The following PREX2 variants were observed in gnomAD, a reference collection of about 807,000 sequenced individuals.
PREX2 encodes phosphatidylinositol 3,4,5-trisphosphate-dependent Rac exchanger 2 protein.
PREX2 carries 107 observed loss-of-function variants against 203.2 expected under a neutral mutation model. The observed-to-expected ratio is 0.53, with a 90% confidence interval of 0.45 to 0.62. The LOEUF is 0.62. Among genes scored for constraint, PREX2 ranks in the 20% least tolerant of loss-of-function variants. The probability of loss-of-function intolerance (pLI) is 0.00; values close to 1 mark genes in which losing one functional copy is unlikely to be tolerated. For missense variants in PREX2, 1,777 were observed against 1,955.9 expected (o/e 0.91, Z 1.72); for synonymous variants, 672 against 663.6 (o/e 1.01, Z -0.19).
At chr8:68,204,410 G>C (rs983424119) in intron 37 of PREX2, among the ~76,000 whole-genome samples, 1 of 152,178 alleles carries the variant, frequency 6.6e-6, no homozygotes, top group South Asian at 2.1e-4. Context: ...TGTACTGAAA[G>C]TGGTAACAGA....
At chr8:68,216,642 AAT>A (rs1812843792) in intron 37 of PREX2, among the ~76,000 whole-genome samples, 1 of 152,122 alleles carries the variant, frequency 6.6e-6, no homozygotes, top group South Asian at 2.1e-4. Context: ...TGTAGAGATC[AAT>A]GTGGAAGAAC....
intron 1 of PREX2, among the ~76,000 whole-genome samples, chr8:68,002,663 A>AT (rs35601602): frequency 0.69 from 104,186 of 151,830 alleles, 35,972 homozygotes; most frequent in South Asian, 0.81. Context: ...TTGCTTCTTA[A>AT]TCATTTTTTT....
At position 68,097,177 on chromosome 8, in the gene PREX2, A is replaced by G. The variant is rs770635006; in HGVS notation, c.2529A>G (p.Lys843=). The G allele has an allele frequency of 4.3e-6, 7 of 1,613,126 alleles. No individual in the cohort carries two copies. The highest frequency in any genetic ancestry group is 5.1e-6 in the Non-Finnish European group (6 of 1,179,308). Residue 843 remains lysine, a synonymous_variant, in exon 22 of 40, where the codon AAA becomes AAG. Transcript: ENST00000288368. ...CNVVEKMIEP[K]GFFSLTAKIL... ...TGGTGGAAAAGATGATTGAGCCCAAAGGTTTCTTCAGCTTAACTGCCAAGG... is the reference window on the plus strand; with the variant it reads ...TGGTGGAAAAGATGATTGAGCCCAAGGGTTTCTTCAGCTTAACTGCCAAGG...
At chr8:67,981,546 C>T (rs148945282) in intron 1 of PREX2, among the ~76,000 whole-genome samples, 2 of 152,230 alleles carry the variant, frequency 1.3e-5, no homozygotes, top group East Asian at 3.9e-4. Flanking sequence ...AATGCTTTTC[C>T]TTGTGAACAG....
At chr8:67,992,532 C>G (rs772788502) in intron 1 of PREX2, among the ~76,000 whole-genome samples, 1 of 151,996 alleles carries the variant, frequency 6.6e-6, no homozygotes, top group Non-Finnish European at 1.5e-5. Flanking sequence ...AGATATTGAA[C>G]CTTTTAAAAA....
intron 35 of PREX2, among the ~76,000 whole-genome samples, chr8:68,174,045 T>G (rs1811933205): frequency 6.6e-6 from 1 of 152,214 alleles, no homozygotes; most frequent in South Asian, 2.1e-4. Context: ...ACAATCCATC[T>G]TAAAAATATA....
At chr8:68,101,146 A>G (rs1195230075) in intron 23 of PREX2, among the ~76,000 whole-genome samples, 2 of 152,182 alleles carry the variant, frequency 1.3e-5, no homozygotes, top group Admixed American at 6.5e-5. Context: ...TTATCTCAAT[A>G]TATATGAATA....
intron 35 of PREX2, among the ~76,000 whole-genome samples, chr8:68,161,209 C>T (rs1334200144): frequency 6.6e-6 from 1 of 151,976 alleles, no homozygotes; most frequent in Admixed American, 6.6e-5. Flanking sequence ...ATTCTCCTGC[C>T]TCAGCCTACC....
At chr8:68,038,328 C>A in intron 7 of PREX2, 36 bp downstream of exon 7, 2 of 1,606,646 alleles carry the variant, frequency 1.2e-6, no homozygotes, top group South Asian at 2.2e-5. Flanking sequence ...CAGAAGTGGT[C>A]ACAGTTTCTA....
chr8:68,097,928 T>C (rs1441918601), intron 22 of PREX2, among the ~76,000 whole-genome samples: 1 of 152,248 alleles, frequency 6.6e-6, no homozygotes, highest in Non-Finnish European at 1.5e-5. Flanking sequence ...AAGTGCCATG[T>C]TTATTTCATA....
intron 35 of PREX2, among the ~76,000 whole-genome samples, chr8:68,161,975 C>T (rs1163038170): frequency 1.3e-5 from 2 of 152,160 alleles, no homozygotes; most frequent in Non-Finnish European, 2.9e-5. Flanking sequence ...TACATGGCAG[C>T]AGGCAAGTGA....
intron 23 of PREX2, chr8:68,100,121 G>A (rs1468303092): frequency 3.5e-6 from 2 of 566,670 alleles, no homozygotes; most frequent in African/African-American, 3.7e-5. Context: ...GATAGAGCTG[G>A]GCATTGAGTG....
rs967609180 is a variant in PREX2 at position 67,955,167 on chromosome 8, A to G, written c.141+2632A>G. Among the ~76,000 whole-genome samples the G allele has an allele frequency of 4.0e-5, 6 of 150,952 alleles. No homozygotes were observed. The East Asian group carries it at 5.8e-4, about 15-fold the overall frequency. ...CATCTCAAAAAAAAAAAAAAAAAAAAAAAAGAAATCATATGGCTAGAGGGA... is the reference window on the plus strand; with the variant it reads ...CATCTCAAAAAAAAAAAAAAAAAAAGAAAAGAAATCATATGGCTAGAGGGA... On this transcript the variant is annotated intron_variant, in intron 1 of 39. Transcript: ENST00000288368.
chr8:68,149,246 A>T (rs142411687), intron 34 of PREX2, among the ~76,000 whole-genome samples: 83 of 152,270 alleles, frequency 5.5e-4, no homozygotes, highest in African/African-American at 1.7e-3. Context: ...ACAGTAGTTG[A>T]TGGGGCATCC....
chr8:68,175,043 G>T lies in PREX2; in HGVS notation c.4347-16679G>T, dbSNP rs141186839. ...AAGGAAGAGTCAATGAAACCAACAG[G>T]TTATTTTGAAATACTCTACCGAACG... On this transcript the variant is annotated intron_variant, in intron 35 of 39. Coordinates refer to ENST00000288368, the MANE Select transcript of PREX2 (RefSeq NM_024870.4). Among the ~76,000 whole-genome samples, 233 of 152,308 alleles carry T rather than the reference G, an allele frequency of 1.5e-3. 2 individuals are homozygous for T. Among genetic ancestry groups the T allele is most frequent in the African/African-American group, 5.4e-3 (223 of 41,560 alleles).
intron 1 of PREX2, among the ~76,000 whole-genome samples, chr8:67,998,101 G>T (rs1338084260): frequency 1.3e-5 from 2 of 152,180 alleles, no homozygotes; most frequent in Non-Finnish European, 2.9e-5. Context: ...TAGCCTAGTT[G>T]TCAAACTGTG....
intron 37 of PREX2, among the ~76,000 whole-genome samples, chr8:68,193,185 A>C (rs949095105): frequency 6.6e-6 from 1 of 152,212 alleles, no homozygotes; most frequent in African/African-American, 2.4e-5. Context: ...CTTCATAATC[A>C]TATGCTTTCG....
chr8:68,056,261 C>A (rs1320544707), intron 10 of PREX2, among the ~76,000 whole-genome samples: 1 of 152,030 alleles, frequency 6.6e-6, no homozygotes, highest in Non-Finnish European at 1.5e-5. Context: ...GAGTGGCAGG[C>A]AGGTAGGTTT....
At chr8:67,955,432 G>A (rs1805474881) in intron 1 of PREX2, among the ~76,000 whole-genome samples, 1 of 152,144 alleles carries the variant, frequency 6.6e-6, no homozygotes, top group African/African-American at 2.4e-5. Context: ...TCCATGGTGG[G>A]CTGTGCTTCC....
Sources: gnomAD v4.1 joint callset for allele counts (sites outside exome capture counted in the v4.1 genomes callset) on GRCh38, gnomAD v4.1.1 for gene constraint, MANE v1.5 for transcripts, NCBI Gene and HGNC (gene_info 2026-07-23, HGNC 2026-07-21) for gene names.